TACR1: variants seen among roughly 807,000 people sequenced by gnomAD.
TACR1 encodes tachykinin receptor 1.
In TACR1, 25 loss-of-function variants were observed where a neutral mutation model predicts 35.8. The observed-to-expected ratio is 0.70, with a 90% CI of 0.51 to 0.98. The LOEUF is 0.98. Among genes scored for constraint, TACR1 ranks in the 50% least tolerant of loss-of-function variants. TACR1 has a pLI of 0.00. For missense variants in TACR1, 478 were observed against 522.9 expected, an observed-to-expected ratio of 0.91 and a Z score of 0.84; for synonymous variants, 195 against 206.7, an observed-to-expected ratio of 0.94 and a Z score of 0.48.
rs183923774 is a variant in TACR1, at chr2:75,119,899, T to C, written c.584+675A>G. Among the ~76,000 whole-genome samples the C allele has an allele frequency of 1.3e-3, 202 of 152,258 alleles. 2 individuals carry two copies. The highest frequency in any genetic ancestry group is 7.2e-4 in the Non-Finnish European group (49 of 68,014). Reference sequence around the variant, plus strand: ...CCAGTAGGAAAAGGGAGCAGTGATATAGGGAAGATGCAGTGGCCAATAAAG... The same window carrying C: ...CCAGTAGGAAAAGGGAGCAGTGATACAGGGAAGATGCAGTGGCCAATAAAG... On this transcript the variant is annotated intron_variant, in intron 2 of 4. Coordinates refer to ENST00000305249, the MANE Select transcript of TACR1 (RefSeq NM_001058.4).
At chr2:75,179,890 G>T (rs977918555) in intron 1 of TACR1, among the ~76,000 whole-genome samples, 1 of 152,192 alleles carries the variant, frequency 6.6e-6, no homozygotes, top group Non-Finnish European at 1.5e-5. Context: ...AAGCCATTGA[G>T]ATTTGGGGGT....
intron 1 of TACR1, among the ~76,000 whole-genome samples, chr2:75,144,038 G>T (rs1210130395): frequency 6.6e-6 from 1 of 152,180 alleles, no homozygotes; most frequent in Non-Finnish European, 1.5e-5. Context: ...CCTGCCACAG[G>T]ACTGTTTTCC....
intron 2 of TACR1, among the ~76,000 whole-genome samples, chr2:75,104,658 A>G (rs1027162478): frequency 2.0e-5 from 3 of 152,152 alleles, no homozygotes; most frequent in African/African-American, 4.8e-5. Flanking sequence ...GTCTTATTAA[A>G]TTTAAGAAGA....
intron 1 of TACR1, among the ~76,000 whole-genome samples, chr2:75,132,369 TCAG>T (rs1674194476): frequency 6.6e-6 from 1 of 152,206 alleles, no homozygotes; most frequent in Non-Finnish European, 1.5e-5. Context: ...CTGACTCTCT[TCAG>T]CAAGTCTAAT....
intron 2 of TACR1, among the ~76,000 whole-genome samples, chr2:75,067,367 A>G (rs1672784417): frequency 1.3e-5 from 2 of 152,128 alleles, no homozygotes; most frequent in African/African-American, 4.8e-5. Context: ...GTTATGGGCG[A>G]GGAACATGGG....
At chr2:75,191,563 G>A (rs1675848463) in intron 1 of TACR1, among the ~76,000 whole-genome samples, 1 of 152,164 alleles carries the variant, frequency 6.6e-6, no homozygotes, top group African/African-American at 2.4e-5. Context: ...CAAGGTGTGG[G>A]TCAGGTATCC....
At chr2:75,185,273 A>T (rs1159630356) in intron 1 of TACR1, among the ~76,000 whole-genome samples, 1 of 152,092 alleles carries the variant, frequency 6.6e-6, no homozygotes, top group Non-Finnish European at 1.5e-5. Context: ...TTATAAAAGT[A>T]CAGTAAATGA....
chr2:75,140,190 C>T (rs1196224530), intron 1 of TACR1, among the ~76,000 whole-genome samples: 1 of 151,982 alleles, frequency 6.6e-6, no homozygotes, highest in Non-Finnish European at 1.5e-5. Context: ...CTTTCCTTAG[C>T]ATTGAATGTA....
chr2:75,158,637 T>C (rs550783252), intron 1 of TACR1, among the ~76,000 whole-genome samples: 1 of 152,298 alleles, frequency 6.6e-6, no homozygotes, highest in East Asian at 1.9e-4. Flanking sequence ...GCCTGCTGAA[T>C]ATGTGATGTT....
At chr2:75,064,091 GAAA>G (rs11368506) in intron 2 of TACR1, among the ~76,000 whole-genome samples, 1 of 141,484 alleles carries the variant, frequency 7.1e-6, no homozygotes, top group Non-Finnish European at 1.6e-5. Flanking sequence ...GCAGTGTTAG[GAAA>G]AAAAAAAAAA....
At chr2:75,086,789 A>T (rs1276753477) in intron 2 of TACR1, among the ~76,000 whole-genome samples, 1 of 152,172 alleles carries the variant, frequency 6.6e-6, no homozygotes, top group Non-Finnish European at 1.5e-5. Flanking sequence ...AGAATGTTTA[A>T]TTCAACTTTG....
chr2:75,132,865 C>A (rs1409531470), intron 1 of TACR1, among the ~76,000 whole-genome samples: 4 of 152,214 alleles, frequency 2.6e-5, no homozygotes, highest in African/African-American at 9.6e-5. Context: ...TGTGAGGATA[C>A]TTTTTCTGCT....
chr2:75,122,419 C>A (rs921383166), intron 1 of TACR1, among the ~76,000 whole-genome samples: 4 of 152,172 alleles, frequency 2.6e-5, no homozygotes, highest in Non-Finnish European at 5.9e-5. Flanking sequence ...CATTTTTGTG[C>A]TAGGGACCTG....
chr2:75,138,291 A>G (rs1474652370), intron 1 of TACR1, among the ~76,000 whole-genome samples: 3 of 152,286 alleles, frequency 2.0e-5, no homozygotes, highest in Non-Finnish European at 4.4e-5. Context: ...GCAGTTATTT[A>G]TCTTCACCAC....
At position 75,051,431 on chromosome 2, in the gene TACR1, A is replaced by G. The variant is rs1160245395; in HGVS notation, c.752T>C (p.Ile251Thr). 2 of 1,614,028 alleles carry G rather than the reference A, an allele frequency of 1.2e-6. No homozygotes were observed. The highest frequency in any genetic ancestry group is 1.3e-5 in the African/African-American group (1 of 75,046). ...SAKRKVVKMMIVVVCTFAICW... is the reference protein window; with the variant it reads ...SAKRKVVKMMTVVVCTFAICW... ...GATGGCGAAGGTGCACACCACGACAATCATCATTTTGACCACCTGGCAAGA... is the reference window on the plus strand; with the variant it reads ...GATGGCGAAGGTGCACACCACGACAGTCATCATTTTGACCACCTGGCAAGA... The change falls in exon 4 of 5, where the codon ATT becomes ACT. Residue 251 changes from isoleucine to threonine, a missense_variant. Coordinates refer to ENST00000305249, the MANE Select transcript of TACR1 (RefSeq NM_001058.4).
intron 2 of TACR1, among the ~76,000 whole-genome samples, chr2:75,056,031 G>A (rs558331382): frequency 6.6e-6 from 1 of 152,296 alleles, no homozygotes; most frequent in Admixed American, 6.5e-5. Flanking sequence ...CTTGAGGTTG[G>A]GAGCAGGAAA....
At chr2:75,174,734 A>C (rs1345179613) in intron 1 of TACR1, among the ~76,000 whole-genome samples, 3 of 152,196 alleles carry the variant, frequency 2.0e-5, no homozygotes, top group Non-Finnish European at 2.9e-5. Flanking sequence ...TGGAGAGTGA[A>C]AGGAGAATCA....
At chr2:75,104,581 T>C (rs906437642) in intron 2 of TACR1, among the ~76,000 whole-genome samples, 2 of 152,018 alleles carry the variant, frequency 1.3e-5, no homozygotes, top group Non-Finnish European at 1.5e-5. Context: ...AGCAGCAGAA[T>C]ACACATTCCT....
At chr2:75,066,660 G>A (rs1672767851) in intron 2 of TACR1, among the ~76,000 whole-genome samples, 1 of 152,152 alleles carries the variant, frequency 6.6e-6, no homozygotes, top group East Asian at 1.9e-4. Flanking sequence ...TCGGTTAACT[G>A]AAATATGTGG....
Sources: allele counts gnomAD v4.1 joint callset (sites outside exome capture counted in the v4.1 genomes callset), GRCh38; gene constraint gnomAD v4.1.1; transcripts MANE v1.5; gene names NCBI Gene and HGNC (gene_info 2026-07-23, HGNC 2026-07-21).